The following SLIT2 variants were observed in gnomAD, a reference collection of about 807,000 sequenced individuals.
The protein encoded by SLIT2 is slit homolog 2 protein.
Under a neutral mutation model 185.7 loss-of-function variants are expected in SLIT2, and 41 were observed. The ratio of observed to expected loss-of-function variants is 0.22; its 90% CI spans 0.17 to 0.29. The LOEUF is 0.29. Ranked by LOEUF, SLIT2 falls within the 10% of genes least tolerant of loss-of-function variation. SLIT2 has a pLI of 1.00. For synonymous variants in SLIT2, 693 were observed against 680.2 expected, an observed-to-expected ratio of 1.02 and a Z score of -0.29; for missense variants, 1,571 against 1,909.0, an observed-to-expected ratio of 0.82 and a Z score of 3.30.
intron 4 of SLIT2, among the ~76,000 whole-genome samples, chr4:20,340,718 A>G (rs1720893335): frequency 6.6e-6 from 1 of 152,078 alleles, no homozygotes; most frequent in Admixed American, 6.5e-5. Flanking sequence ...CTCCTGCCTC[A>G]GCCTCCTGAG....
At chr4:20,469,626 A>G (rs748302839) in intron 5 of SLIT2, among the ~76,000 whole-genome samples, 1 of 151,824 alleles carries the variant, frequency 6.6e-6, no homozygotes, top group Non-Finnish European at 1.5e-5. Flanking sequence ...ATGCAGTTAG[A>G]TGAGTTTTTT....
At chr4:20,443,193 G>T (rs1201275497) in intron 4 of SLIT2, among the ~76,000 whole-genome samples, 1 of 152,152 alleles carries the variant, frequency 6.6e-6, no homozygotes, top group Non-Finnish European at 1.5e-5. Flanking sequence ...TTTATTAAAA[G>T]ATGAAGTGTG....
At chr4:20,412,155 T>A (rs1333861039) in intron 4 of SLIT2, among the ~76,000 whole-genome samples, 1 of 152,050 alleles carries the variant, frequency 6.6e-6, no homozygotes, top group Non-Finnish European at 1.5e-5. Context: ...CATTTATATT[T>A]AACTCTTGAA....
intron 30 of SLIT2, among the ~76,000 whole-genome samples, chr4:20,593,395 A>G (rs2148953691): frequency 6.6e-6 from 1 of 152,250 alleles, no homozygotes; most frequent in East Asian, 1.9e-4. Flanking sequence ...CAAATACCGG[A>G]TGATCTCACC....
intron 5 of SLIT2, among the ~76,000 whole-genome samples, chr4:20,472,598 C>CGATATATATCGATATATCGATA (rs1243899697): frequency 1.3e-4 from 1 of 7,784 alleles, no homozygotes; most frequent in Non-Finnish European, 2.1e-4. Context: ...AGATATATAT[C>CGATATATATCGATATATCGATA]TATAGATATA....
At position 20,618,816 on chromosome 4, in the gene SLIT2, A is replaced by G. The variant is rs1303052365; in HGVS notation, c.4397A>G (p.Gln1466Arg). The change falls in exon 37 of 37, where the codon CAG becomes CGG. Residue 1466 changes from glutamine to arginine, a missense_variant. Gln to Arg is a conservative substitution (Grantham distance 43). Coordinates refer to ENST00000504154, the MANE Select transcript of SLIT2 (RefSeq NM_004787.4). ...ERIRDYYQKQ[Q>R]GYAACQTTKK... Reference sequence around the variant, plus strand: ...ATAAGAGATTATTACCAAAAGCAGCAGGGCTATGCTGCTTGCCAAACAACC... The same window carrying G: ...ATAAGAGATTATTACCAAAAGCAGCGGGGCTATGCTGCTTGCCAAACAACC... 1 of 1,611,374 alleles carries G rather than the reference A, an allele frequency of 6.2e-7. No homozygotes were observed. Among genetic ancestry groups the G allele is most frequent in the Admixed American group, 1.7e-5 (1 of 59,952 alleles).
chr4:20,261,495 T>C (rs1463446278), intron 3 of SLIT2, among the ~76,000 whole-genome samples: 2 of 151,844 alleles, frequency 1.3e-5, no homozygotes, highest in South Asian at 2.1e-4. Context: ...GCTGTGGGCT[T>C]GTGTAAAATT....
At chr4:20,506,425 T>C (rs1719211547) in intron 9 of SLIT2, among the ~76,000 whole-genome samples, 2 of 152,006 alleles carry the variant, frequency 1.3e-5, no homozygotes, top group Non-Finnish European at 2.9e-5. Context: ...GATTCAAATT[T>C]GCACTCTATA....
chr4:20,532,662 T>C (rs1721913126), intron 17 of SLIT2, among the ~76,000 whole-genome samples: 1 of 152,148 alleles, frequency 6.6e-6, no homozygotes, highest in Non-Finnish European at 1.5e-5. Context: ...TGCAGAAACA[T>C]CAGCATCAGC....
chr4:20,473,794 T>C (rs971215910), intron 5 of SLIT2, among the ~76,000 whole-genome samples: 11 of 152,076 alleles, frequency 7.2e-5, no homozygotes, highest in African/African-American at 2.7e-4. Context: ...TCACTTGATA[T>C]AGAATCAATA....
chr4:20,365,070 A>G (rs745914987), intron 4 of SLIT2, among the ~76,000 whole-genome samples: 1 of 152,086 alleles, frequency 6.6e-6, no homozygotes, highest in Non-Finnish European at 1.5e-5. Context: ...CCAGTTGCCT[A>G]AACTCTATGT....
rs201308294 is a variant in SLIT2, at chr4:20,616,938, T to C, written c.3876T>C (p.Ser1292=). 7 of 1,607,510 alleles carry C rather than the reference T, an allele frequency of 4.4e-6. No homozygotes were observed. The highest frequency in any genetic ancestry group is 4.0e-5 in the African/African-American group (3 of 74,824). The change falls in exon 35 of 37, where the codon TCT becomes TCC. Residue 1292 remains serine (S), a synonymous_variant. Coordinates refer to ENST00000504154, the MANE Select transcript of SLIT2 (RefSeq NM_004787.4). The stretch of plus-strand genomic sequence containing the variant: ...TGCCAGGGAAGAGTAACGTGGCATC[T>C]CTGCGCCAGGCCCCTGGGCAGAACG... The part of the protein sequence containing the change: ...GGMPGKSNVA[S]LRQAPGQNGT...
intron 10 of SLIT2, among the ~76,000 whole-genome samples, 153 bp from the exon 11 acceptor site, chr4:20,510,913 T>G (rs941450028): frequency 8.5e-5 from 13 of 152,208 alleles, no homozygotes; most frequent in African/African-American, 2.9e-4. Flanking sequence ...ATTTCTTTTT[T>G]AAATTTCTGA....
chr4:20,491,194 T>G (rs528918643), intron 8 of SLIT2, among the ~76,000 whole-genome samples: 17 of 152,338 alleles, frequency 1.1e-4, no homozygotes, highest in African/African-American at 4.1e-4. Context: ...AAATTATTAT[T>G]ATGATTTCAG....
chr4:20,316,676 T>C (rs1337032787), intron 4 of SLIT2, among the ~76,000 whole-genome samples: 8 of 151,584 alleles, frequency 5.3e-5, no homozygotes, highest in Non-Finnish European at 8.9e-5. Flanking sequence ...TTGTAGTGTA[T>C]CTATATACTC....
chr4:20,466,172 T>C (rs942846140), intron 4 of SLIT2, among the ~76,000 whole-genome samples: 7 of 152,190 alleles, frequency 4.6e-5, no homozygotes, highest in African/African-American at 1.7e-4. Context: ...CTCTTTGTTC[T>C]GTAGCCTTCT....
intron 4 of SLIT2, among the ~76,000 whole-genome samples, chr4:20,283,774 AT>A (rs1156662435): frequency 6.6e-6 from 1 of 152,160 alleles, no homozygotes; most frequent in African/African-American, 2.4e-5. Context: ...AATATAAATA[AT>A]TTACTTCAAA....
chr4:20,287,221 C>T lies in SLIT2; in HGVS notation c.395+18340C>T, dbSNP rs562327097. The stretch of plus-strand genomic sequence containing the variant: ...TCTGATATTTCTTCTGCCTTCTTCA[C>T]CAGTAAACGTGTATTCACTGCCCAA... On this transcript the variant is annotated intron_variant, in intron 4 of 36. Transcript: ENST00000504154. 1.7e-3 allele frequency among the ~76,000 whole-genome samples: 260 copies of T among 152,256 alleles called. 1 individual carries two copies. Among genetic ancestry groups the T allele is most frequent in the Middle Eastern group, 3.4e-3 (1 of 294 alleles).
At chr4:20,329,976 A>G (rs1392218814) in intron 4 of SLIT2, among the ~76,000 whole-genome samples, 1 of 151,602 alleles carries the variant, frequency 6.6e-6, no homozygotes, top group African/African-American at 2.4e-5. Context: ...TGGCTATCCT[A>G]ATTTTATCAT....
Sources: gnomAD v4.1 joint callset for allele counts (sites outside exome capture counted in the v4.1 genomes callset) on GRCh38, gnomAD v4.1.1 for gene constraint, MANE v1.5 for transcripts, NCBI Gene and HGNC (gene_info 2026-07-23, HGNC 2026-07-21) for gene names.